Variants in TBCB observed in about 807,000 individuals in gnomAD.
The protein encoded by TBCB is tubulin-folding cofactor B.
TBCB carries 18 observed loss-of-function variants against 29.2 expected under a neutral mutation model. The ratio of observed to expected loss-of-function variants is 0.62; its 90% CI spans 0.43 to 0.91. The LOEUF (loss-of-function observed/expected upper bound fraction) is 0.91, where lower values mean the gene tolerates loss of function less well. Ranked by LOEUF, TBCB falls within the 40% of genes least tolerant of loss-of-function variation. The pLI is 0.00. For missense variants in TBCB, 336 were observed against 337.6 expected (o/e 1.00, Z 0.04); for synonymous variants, 172 against 137.8 (o/e 1.25, Z -1.74).
At chr19:36,115,768 G>T in intron 1 of TBCB, 94 bp downstream of exon 1, 1 of 1,287,422 alleles carries the variant, frequency 7.8e-7, no homozygotes, top group Admixed American at 2.0e-5. Context: ...GAGTGACTGG[G>T]CGGGCCCGGA....
At chr19:36,122,505 CAGG>C (rs1974072028) in intron 4 of TBCB, among the ~76,000 whole-genome samples, 1 of 141,336 alleles carries the variant, frequency 7.1e-6, no homozygotes, top group Non-Finnish European at 1.5e-5. Flanking sequence ...GAGGCTGAGA[CAGG>C]AGGATCACTT....
rs907684203 is a variant in TBCB at position 36,115,493 on chromosome 19, C to T, written c.-68C>T. ...GCTGATAGCCCAGCAGCAGCAGCGG[C>T]GGCGGCGGCTGCGGAGCGGGTGTGA... On this transcript the variant is annotated 5_prime_UTR_variant, in exon 1 of 6. Coordinates refer to ENST00000221855, the MANE Select transcript of TBCB (RefSeq NM_001281.3). 4.2e-5 allele frequency: 51 copies of T among 1,223,774 alleles called. No individual in the cohort carries two copies. In the African/African-American group the frequency reaches 6.3e-4, roughly 15 times the overall value. 75.8% of individuals were successfully genotyped at this position (1,223,774 alleles called of 1,614,324 possible).
chr19:36,121,741 C>G, intron 4 of TBCB, 23 bp downstream of exon 4: 4 of 1,547,970 alleles, frequency 2.6e-6, no homozygotes, highest in Non-Finnish European at 3.5e-6. Context: ...CGGGCCCGGT[C>G]CCGGGCTCCA....
At chr19:36,118,587 G>A (rs1431004526) in intron 2 of TBCB, 1 of 151,636 alleles carries the variant, frequency 6.6e-6, no homozygotes, top group African/African-American at 2.4e-5. Flanking sequence ...GGCTGAGGCA[G>A]GAGGATCACT....
chr19:36,120,624 A>T, intron 2 of TBCB, 86 bp from the exon 3 acceptor site: 2 of 1,145,476 alleles, frequency 1.7e-6, no homozygotes, highest in Non-Finnish European at 2.6e-6. Flanking sequence ...CGTTTTTCCC[A>T]GATGGAGACA....
Position 36,115,928 on chromosome 19 carries a change from C to T in TBCB, c.115-113C>T, listed in dbSNP as rs1046421911. On this transcript the variant is annotated intron_variant, in intron 1 of 5. Coordinates refer to ENST00000221855, the MANE Select transcript of TBCB (RefSeq NM_001281.3). The stretch of plus-strand genomic sequence containing the variant: ...GAGGCGAGGGGCTGGATTGCGGCCC[C>T]GTGCGTCCTGACTGGGGGGTCTTTT... 1.7e-5 allele frequency: 25 copies of T among 1,465,104 alleles called. No homozygotes were observed. In the African/African-American group the frequency reaches 3.3e-4, roughly 19 times the overall value. 90.8% of individuals were successfully genotyped at this position (1,465,104 alleles called of 1,614,324 possible). A position where few individuals can be genotyped will look rare whatever the true frequency, so the allele number is the denominator to read the frequency against.
chr19:36,120,515 G>A (rs781532529), intron 2 of TBCB, 195 bp from the exon 3 acceptor site: 2 of 568,592 alleles, frequency 3.5e-6, no homozygotes, highest in Non-Finnish European at 6.3e-6. Context: ...CTTGGATGGG[G>A]GTGAGGAAGG....
At chr19:36,116,432 C>G (rs1395779723) in intron 2 of TBCB, 1 of 428,450 alleles carries the variant, frequency 2.3e-6, no homozygotes, top group Non-Finnish European at 4.2e-6. Flanking sequence ...CTGGGAGAAT[C>G]AGAGAGGGCT....
intron 3 of TBCB, among the ~76,000 whole-genome samples, 179 bp downstream of exon 3, chr19:36,120,985 G>A (rs917300928): frequency 1.3e-5 from 2 of 150,752 alleles, no homozygotes; most frequent in African/African-American, 4.9e-5. Flanking sequence ...CCTGGGGTGG[G>A]AATGAGGGCC....
At chr19:36,123,304 C>T (rs984532692) in intron 4 of TBCB, among the ~76,000 whole-genome samples, 3 of 150,582 alleles carry the variant, frequency 2.0e-5, no homozygotes, top group Non-Finnish European at 4.4e-5. Context: ...GGCTATTGCC[C>T]AGGCTGGAAT....
chr19:36,117,393 G>A (rs773535196), intron 2 of TBCB, among the ~76,000 whole-genome samples: 7 of 152,240 alleles, frequency 4.6e-5, no homozygotes, highest in Middle Eastern at 3.4e-3. Flanking sequence ...TCCCCAGGCC[G>A]GAATGCAGTG....
chr19:36,120,381 C>T, intron 2 of TBCB: 1 of 291,230 alleles, frequency 3.4e-6, no homozygotes, highest in South Asian at 4.5e-5. Flanking sequence ...CGAGGAGATG[C>T]GCTGTGCACA....
chr19:36,118,859 G>C (rs1300740137), intron 2 of TBCB, among the ~76,000 whole-genome samples: 1 of 152,080 alleles, frequency 6.6e-6, no homozygotes, highest in Non-Finnish European at 1.5e-5. Flanking sequence ...GGTGTTCACA[G>C]GCCCCCTCTG....
upstream of TBCB, chr19:36,115,044 A>C (rs1001607736): frequency 4.8e-6 from 3 of 619,194 alleles, no homozygotes; most frequent in Admixed American, 8.8e-5. Flanking sequence ...CAATCTTTTG[A>C]TATCTTAGAG....
chr19:36,122,494 G>T (rs1238277235), intron 4 of TBCB, among the ~76,000 whole-genome samples: 1 of 150,374 alleles, frequency 6.7e-6, no homozygotes, highest in Non-Finnish European at 1.5e-5. Context: ...CAGCACTTTG[G>T]GAGGCTGAGA....
chr19:36,116,206 C>T, intron 2 of TBCB, 22 bp downstream of exon 2: 1 of 1,610,310 alleles, frequency 6.2e-7, no homozygotes, highest in Non-Finnish European at 8.5e-7. Flanking sequence ...CTATCTGGGA[C>T]ACTCCCCCAC....
chr19:36,120,765 A>C lies in TBCB; in HGVS notation c.314A>C (p.Glu105Ala). Reference sequence around the variant, plus strand: ...GAGTATGAGGACGTGTCCCGGGTGGAGAAGTACACGATCTCACAAGAAGCC... The same window carrying C: ...GAGTATGAGGACGTGTCCCGGGTGGCGAAGTACACGATCTCACAAGAAGCC... ...LGEYEDVSRV[E>A]KYTISQEAYD... Residue 105 changes from glutamate to alanine, a missense_variant, in exon 3 of 6, where the codon GAG becomes GCG. Physicochemically the swap from Glu to Ala is moderately radical, Grantham distance 107 (BLOSUM62 -1). Coordinates refer to ENST00000221855, the MANE Select transcript of TBCB (RefSeq NM_001281.3). The C allele has an allele frequency of 6.2e-7, 1 of 1,613,856 alleles. No individual in the cohort carries two copies.
At chr19:36,123,431 T>TCTGTGG (rs1488165438) in intron 4 of TBCB, among the ~76,000 whole-genome samples, 1 of 152,032 alleles carries the variant, frequency 6.6e-6, no homozygotes, top group East Asian at 1.9e-4. Context: ...CGGCTAAAGT[T>TCTGTGG]TTGTGGTTTT....
intron 4 of TBCB, among the ~76,000 whole-genome samples, chr19:36,123,743 C>T (rs1470551003): frequency 1.3e-5 from 2 of 152,098 alleles, no homozygotes; most frequent in Non-Finnish European, 2.9e-5. Context: ...GGCGTGGTGG[C>T]GGGTGCCTGT....
Sources: allele counts gnomAD v4.1 joint callset (sites outside exome capture counted in the v4.1 genomes callset), GRCh38; gene constraint gnomAD v4.1.1; transcripts MANE v1.5; gene names NCBI Gene and HGNC (gene_info 2026-07-23, HGNC 2026-07-21).